DNAH3: variants seen among roughly 807,000 people sequenced by gnomAD.
DNAH3 encodes dynein axonemal heavy chain 3.
DNAH3 carries 332 observed loss-of-function variants against 432.5 expected under a neutral mutation model. The ratio of observed to expected loss-of-function variants is 0.77; its 90% CI spans 0.70 to 0.84. The LOEUF is 0.84. Among genes scored for constraint, DNAH3 ranks in the 40% least tolerant of loss-of-function variants. The pLI, the probability that DNAH3 is intolerant of heterozygous loss-of-function variation, is 0.00. For synonymous variants in DNAH3, 1,956 were observed against 1,900.2 expected (o/e 1.03, Z -0.76); for missense variants, 4,861 against 5,114.0 (o/e 0.95, Z 1.51).
At chr16:21,003,699 C>T (rs2087139759) in intron 41 of DNAH3, among the ~76,000 whole-genome samples, 1 of 152,100 alleles carries the variant, frequency 6.6e-6, no homozygotes, top group South Asian at 2.1e-4. Context: ...CACTCAAACC[C>T]AGGAGGCCGA....
intron 58 of DNAH3, among the ~76,000 whole-genome samples, chr16:20,942,296 T>TATG (rs551732903): frequency 2.4e-4 from 36 of 152,182 alleles, no homozygotes; most frequent in Non-Finnish European, 4.1e-4. Flanking sequence ...AGCAGGCCAT[T>TATG]CTTCAGCATT....
rs758097115 is a variant in DNAH3, at chr16:21,034,090, G to A, written c.5086-5C>T. On this transcript the variant is annotated splice_polypyrimidine_tract_variant and splice_region_variant and intron_variant, in intron 35 of 61. Coordinates refer to ENST00000261383, the Ensembl canonical transcript of DNAH3. ...CACCAGCATCATTTCGTAGATCTGG[G>A]AGGAGACATCATTCATAAAAGAAGC... 10 of 1,586,178 alleles carry A rather than the reference G, an allele frequency of 6.3e-6. No individual in the cohort carries two copies. The highest frequency in any genetic ancestry group is 8.7e-6 in the Non-Finnish European group (10 of 1,155,444).
At chr16:21,066,502 G>A (rs986527688) in intron 24 of DNAH3, among the ~76,000 whole-genome samples, 2 of 152,064 alleles carry the variant, frequency 1.3e-5, no homozygotes, top group African/African-American at 4.8e-5. Context: ...AGAGTAGCTG[G>A]GACCATGGGC....
intron 53 of DNAH3, among the ~76,000 whole-genome samples, chr16:20,959,799 TTTTGC>T (rs1369698157): frequency 2.6e-5 from 4 of 152,154 alleles, no homozygotes; most frequent in Non-Finnish European, 5.9e-5. Context: ...TCAACTTCTC[TTTTGC>T]TTTAAACACA....
chr16:21,104,527 G>A (rs2091905294), exon 16 of DNAH3: 1 of 1,614,038 alleles, frequency 6.2e-7, no homozygotes, highest in Non-Finnish European at 8.5e-7. Context: ...AGTTCCGGCT[G>A]TTGTCAAAGA....
chr16:20,969,830 C>G, exon 52 of DNAH3: 1 of 1,614,168 alleles, frequency 6.2e-7, no homozygotes, highest in Non-Finnish European at 8.5e-7. Context: ...TGGCTTCATC[C>G]CTTTCATGAT....
At chr16:20,971,774 C>T (rs531133170) in intron 51 of DNAH3, among the ~76,000 whole-genome samples, 23 of 152,320 alleles carry the variant, frequency 1.5e-4, no homozygotes, top group Non-Finnish European at 2.8e-4. Flanking sequence ...TTTTCCTTCC[C>T]TCTGCGACCC....
chr16:21,118,588 A>T (rs1287289589), intron 11 of DNAH3, among the ~76,000 whole-genome samples: 1 of 152,166 alleles, frequency 6.6e-6, no homozygotes, highest in East Asian at 1.9e-4. Flanking sequence ...GCCTGCGACC[A>T]TGCCTAATTT....
At chr16:20,952,375 C>G in intron 56 of DNAH3, 58 bp downstream of exon 56, 1 of 1,041,898 alleles carries the variant, frequency 9.6e-7, no homozygotes, top group South Asian at 1.3e-5. Context: ...AGGAGAACAG[C>G]AGGAGGGTGG....
At chr16:20,996,787 T>C (rs1396214834) in intron 44 of DNAH3, 1 of 154,138 alleles carries the variant, frequency 6.5e-6, no homozygotes, top group Non-Finnish European at 1.4e-5. Flanking sequence ...CAATAATGTA[T>C]ATCAGAATAG....
intron 43 of DNAH3, among the ~76,000 whole-genome samples, chr16:20,999,635 CA>C (rs2086921315): frequency 6.6e-6 from 1 of 152,174 alleles, no homozygotes; most frequent in African/African-American, 2.4e-5. Flanking sequence ...TGATCTCAAA[CA>C]GGAAATTTAA....
intron 15 of DNAH3, 95 bp from the exon 16 acceptor site, chr16:21,104,689 AGTGGTGTGGGG>A (rs1399058282): frequency 1.4e-6 from 1 of 716,740 alleles, no homozygotes; most frequent in African/African-American, 1.7e-5. Context: ...GGTCAACAGG[AGTGGTGTGGGG>A]GTGGCAATGA....
chr16:21,116,687 G>A (rs1324062315), intron 12 of DNAH3, among the ~76,000 whole-genome samples: 1 of 152,114 alleles, frequency 6.6e-6, no homozygotes, highest in Non-Finnish European at 1.5e-5. Context: ...ATGGCCTGTG[G>A]GTTCAGATAA....
intron 59 of DNAH3, among the ~76,000 whole-genome samples, chr16:20,939,253 C>T (rs1176307129): frequency 5.9e-5 from 9 of 152,140 alleles, no homozygotes; most frequent in East Asian, 3.9e-4. Flanking sequence ...GAGGTGGCCT[C>T]GTCCTAGGCT....
chr16:21,001,800 G>C (rs1334054888), intron 42 of DNAH3, among the ~76,000 whole-genome samples: 2 of 152,158 alleles, frequency 1.3e-5, no homozygotes, highest in Non-Finnish European at 2.9e-5. Flanking sequence ...GGTTCAAGAT[G>C]CGTATTTTGC....
At chr16:20,987,317 C>G in exon 47 of DNAH3, 3 of 1,614,136 alleles carry the variant, frequency 1.9e-6, no homozygotes, top group Non-Finnish European at 2.5e-6. Context: ...TCTCTATGGT[C>G]TGCTTGAAGC....
chr16:21,139,464 G>C (rs1052097529), intron 5 of DNAH3, among the ~76,000 whole-genome samples: 9 of 150,432 alleles, frequency 6.0e-5, no homozygotes, highest in African/African-American at 2.0e-4. Flanking sequence ...TCCTAGAAAG[G>C]GTTGTGAATC....
intron 40 of DNAH3, among the ~76,000 whole-genome samples, chr16:21,020,397 A>ATTTTTTTTTTTTT (rs56049638): frequency 5.8e-5 from 2 of 34,594 alleles, no homozygotes. Context: ...ATATATATAT[A>ATTTTTTTTTTTTT]TTTTTTTTTT....
chr16:20,942,627 G>A (rs1323101299), intron 58 of DNAH3, among the ~76,000 whole-genome samples: 1 of 152,204 alleles, frequency 6.6e-6, no homozygotes, highest in African/African-American at 2.4e-5. Flanking sequence ...GTGGAGAAGG[G>A]AAGGGATGGG....
Sources: gnomAD v4.1 joint callset for allele counts (sites outside exome capture counted in the v4.1 genomes callset) on GRCh38, gnomAD v4.1.1 for gene constraint, MANE v1.5 for transcripts, NCBI Gene and HGNC (gene_info 2026-07-23, HGNC 2026-07-21) for gene names.